NEGR1: variants seen among roughly 807,000 people sequenced by gnomAD.
The protein encoded by NEGR1 is neuronal growth regulator 1.
In NEGR1, 10 loss-of-function variants were observed where a neutral mutation model predicts 40.9. That is an observed-to-expected ratio of 0.24 (90% CI 0.15 to 0.42). The LOEUF is 0.42. Among genes scored for constraint, NEGR1 ranks in the 10% least tolerant of loss-of-function variants. The pLI, the probability that NEGR1 is intolerant of heterozygous loss-of-function variation, is 1.00. For synonymous variants in NEGR1, 185 were observed against 166.8 expected, an observed-to-expected ratio of 1.11 and a Z score of -0.84; for missense variants, 352 against 438.9, an observed-to-expected ratio of 0.80 and a Z score of 1.77.
chr1:71,922,134 T>A (rs1645726202), intron 2 of NEGR1, among the ~76,000 whole-genome samples: 1 of 151,998 alleles, frequency 6.6e-6, no homozygotes, highest in Non-Finnish European at 1.5e-5. Context: ...TGACATGGGG[T>A]TTCCCAGTGT....
chr1:71,970,246 A>G (rs1465810068), intron 1 of NEGR1, among the ~76,000 whole-genome samples: 1 of 152,158 alleles, frequency 6.6e-6, no homozygotes, highest in African/African-American at 2.4e-5. Context: ...TGGGTGGGGA[A>G]AGAGACGTGA....
intron 1 of NEGR1, among the ~76,000 whole-genome samples, chr1:72,187,103 T>A (rs1652640161): frequency 6.6e-6 from 1 of 151,588 alleles, no homozygotes; most frequent in Non-Finnish European, 1.5e-5. Context: ...TTTCTCCTTT[T>A]ATCAGAGAAG....
chr1:71,448,786 A>G (rs767866867), intron 6 of NEGR1, among the ~76,000 whole-genome samples: 4 of 152,216 alleles, frequency 2.6e-5, no homozygotes, highest in Admixed American at 2.0e-4. Context: ...AATTTATACA[A>G]TTAGGTCAAA....
chr1:72,278,435 G>T (rs1218014541), intron 1 of NEGR1, among the ~76,000 whole-genome samples: 2 of 152,098 alleles, frequency 1.3e-5, no homozygotes. Flanking sequence ...ATGTAAATGA[G>T]AATGTTCGTA....
chr1:71,566,195 T>G (rs2101486710), intron 6 of NEGR1, among the ~76,000 whole-genome samples: 1 of 152,266 alleles, frequency 6.6e-6, no homozygotes, highest in Non-Finnish European at 1.5e-5. Flanking sequence ...TGTAGTAATT[T>G]TTTATGACAG....
At chr1:71,416,052 G>A (rs1432413715) in intron 6 of NEGR1, among the ~76,000 whole-genome samples, 2 of 152,150 alleles carry the variant, frequency 1.3e-5, no homozygotes, top group Admixed American at 6.6e-5. Flanking sequence ...TTGAAGAAAA[G>A]AAGGTTTTAC....
chr1:72,214,850 GAAA>G (rs151146422), intron 1 of NEGR1, among the ~76,000 whole-genome samples: 4,117 of 142,736 alleles, frequency 0.029, 176 homozygotes, highest in African/African-American at 0.095. Flanking sequence ...CAGAATTAGC[GAAA>G]AAAAAAAAAA....
At chr1:71,688,747 C>T (rs1480433799) in intron 4 of NEGR1, among the ~76,000 whole-genome samples, 1 of 152,066 alleles carries the variant, frequency 6.6e-6, no homozygotes, top group Non-Finnish European at 1.5e-5. Flanking sequence ...AGTTCACAGG[C>T]TACAGAGGAA....
intron 1 of NEGR1, among the ~76,000 whole-genome samples, chr1:72,088,150 A>G (rs1648299186): frequency 6.6e-6 from 1 of 152,136 alleles, no homozygotes; most frequent in Non-Finnish European, 1.5e-5. Context: ...ATTAATTTGG[A>G]GCTACTCCTA....
chr1:71,759,179 T>C (rs764803952), intron 3 of NEGR1, among the ~76,000 whole-genome samples: 6 of 152,032 alleles, frequency 3.9e-5, no homozygotes, highest in Non-Finnish European at 8.8e-5. Flanking sequence ...ATACTTATAG[T>C]ATCCATCTAA....
intron 6 of NEGR1, among the ~76,000 whole-genome samples, chr1:71,437,603 T>C (rs930126119): frequency 5.9e-5 from 9 of 152,220 alleles, no homozygotes; most frequent in African/African-American, 2.2e-4. Flanking sequence ...TTTACAAACA[T>C]TCTACTTTGC....
At chr1:71,438,378 C>T (rs1646523967) in intron 6 of NEGR1, among the ~76,000 whole-genome samples, 1 of 152,156 alleles carries the variant, frequency 6.6e-6, no homozygotes, top group Non-Finnish European at 1.5e-5. Flanking sequence ...AATGACACTT[C>T]AAATGTGATG....
intron 3 of NEGR1, among the ~76,000 whole-genome samples, chr1:71,707,280 G>C (rs1653933767): frequency 6.6e-6 from 1 of 152,136 alleles, no homozygotes; most frequent in African/African-American, 2.4e-5. Flanking sequence ...TGCCCTCAAT[G>C]GTGAGTTCCA....
chr1:71,642,594 T>C (rs935488672), intron 4 of NEGR1, among the ~76,000 whole-genome samples: 1 of 151,742 alleles, frequency 6.6e-6, no homozygotes, highest in Non-Finnish European at 1.5e-5. Context: ...AGACAGTAAT[T>C]CAATAAAGGA....
chr1:72,158,446 G>T (rs957746294), intron 1 of NEGR1, among the ~76,000 whole-genome samples: 1 of 152,094 alleles, frequency 6.6e-6, no homozygotes, highest in Admixed American at 6.6e-5. Context: ...AGTGGAAGGG[G>T]TCACTGCCTC....
chr1:72,267,419 AG>A (rs140601383), intron 1 of NEGR1, among the ~76,000 whole-genome samples: 6,497 of 151,306 alleles, frequency 0.043, 476 homozygotes, highest in African/African-American at 0.15. Flanking sequence ...TTTTCATTTT[AG>A]GGATTTCCCC....
intron 2 of NEGR1, among the ~76,000 whole-genome samples, chr1:71,821,168 T>G (rs1482869627): frequency 6.6e-6 from 1 of 152,014 alleles, no homozygotes; most frequent in African/African-American, 2.4e-5. Flanking sequence ...TTCTGCCCTC[T>G]GCTATAATAT....
rs556477542 is a variant in NEGR1, at chr1:72,017,498, TAAAAAAATAAAAAATTGAGTGTTTGTAC to T, written c.177-82215_177-82188del. Among the ~76,000 whole-genome samples, 961 of 152,154 alleles carry T rather than the reference TAAAAAAATAAAAAATTGAGTGTTTGTAC, an allele frequency of 6.3e-3. 26 individuals carry two copies. Among genetic ancestry groups the T allele is most frequent in the Admixed American group, 0.047 (724 of 15,276 alleles). On this transcript the variant is annotated intron_variant, in intron 1 of 6. Transcript: ENST00000357731. The stretch of plus-strand genomic sequence containing the variant: ...CGCAGATATTTGTTGAGTGAATGGA[TAAAAAAATAAAAAATTGAGTGTTTGTAC>T]AAAACTCAAATGAACCTTTAAATGA...
chr1:71,794,355 T>C (rs898382405), intron 2 of NEGR1: 5 of 152,102 alleles, frequency 3.3e-5, no homozygotes, highest in African/African-American at 7.2e-5. Flanking sequence ...GAATAACTTA[T>C]CCTTTCAAAT....
Sources: allele counts gnomAD v4.1 joint callset (sites outside exome capture counted in the v4.1 genomes callset), GRCh38; gene constraint gnomAD v4.1.1; transcripts MANE v1.5; gene names NCBI Gene and HGNC (gene_info 2026-07-23, HGNC 2026-07-21).